The following FARP1 variants were observed in gnomAD, a reference collection of about 807,000 sequenced individuals.
FARP1 encodes the protein FERM, ARHGEF and pleckstrin domain-containing protein 1.
Under a neutral mutation model 128.8 loss-of-function variants are expected in FARP1, and 52 were observed. The observed-to-expected ratio is 0.40, with a 90% CI of 0.32 to 0.51. The LOEUF is 0.51. FARP1 is among the 20% of genes least tolerant of loss of function. The probability of loss-of-function intolerance (pLI) is 0.45; values close to 1 mark genes in which losing one functional copy is unlikely to be tolerated. For missense variants in FARP1, 1,333 were observed against 1,367.9 expected, an observed-to-expected ratio of 0.97 and a Z score of 0.40; for synonymous variants, 580 against 551.8, an observed-to-expected ratio of 1.05 and a Z score of -0.72.
At chr13:98,178,663 T>C (rs1302570210) in intron 1 of FARP1, among the ~76,000 whole-genome samples, 5 of 152,242 alleles carry the variant, frequency 3.3e-5, no homozygotes, top group Admixed American at 6.5e-5. Context: ...CTTACTAGAA[T>C]GGAAGATGAG....
chr13:98,197,028 C>T (rs1879603671), intron 1 of FARP1, among the ~76,000 whole-genome samples: 1 of 152,104 alleles, frequency 6.6e-6, no homozygotes, highest in Admixed American at 6.5e-5. Flanking sequence ...AATATTGAAA[C>T]TGTTAGAAAA....
chr13:98,396,451 CAGGAGGAGGATGAGTGAGGAACAGG>C (rs1035630684), intron 13 of FARP1: 1 of 7,950 alleles, frequency 1.3e-4, no homozygotes, highest in African/African-American at 6.1e-4. Flanking sequence ...GAGTGAGGAA[CAGGAGGAGGATGAGTGAGGAACAGG>C]AGGAGGATGA....
chr13:98,296,356 G>C (rs1223854885), intron 2 of FARP1, among the ~76,000 whole-genome samples: 1 of 152,064 alleles, frequency 6.6e-6, no homozygotes, highest in Admixed American at 6.6e-5. Context: ...TGCCTTGAAT[G>C]CTATTTCCCC....
At chr13:98,239,413 G>A (rs1408473818) in intron 2 of FARP1, among the ~76,000 whole-genome samples, 1 of 152,166 alleles carries the variant, frequency 6.6e-6, no homozygotes, top group African/African-American at 2.4e-5. Flanking sequence ...TTTCCTTACT[G>A]TTTTGCTTGA....
chr13:98,367,828 T>C (rs1889162905), intron 4 of FARP1, among the ~76,000 whole-genome samples: 1 of 152,232 alleles, frequency 6.6e-6, no homozygotes, highest in Non-Finnish European at 1.5e-5. Context: ...CAAATGACTT[T>C]ATTTTAAAAA....
chr13:98,207,660 G>A (rs1474968089), intron 1 of FARP1, among the ~76,000 whole-genome samples: 1 of 151,106 alleles, frequency 6.6e-6, no homozygotes, highest in Non-Finnish European at 1.5e-5. Flanking sequence ...TGCTGAGCAA[G>A]TGCAGGGCAG....
chr13:98,388,421 G>A lies in FARP1; in HGVS notation c.798G>A (p.Val266=). The A allele has an allele frequency of 6.2e-7, 1 of 1,614,102 alleles. No homozygotes were observed. The highest frequency in any genetic ancestry group is 1.6e-4 in the Middle Eastern group (1 of 6,062). The change falls in exon 9 of 27, where the codon GTG becomes GTA. Residue 266 remains valine (V), a synonymous_variant. Coordinates refer to ENST00000319562, the MANE Select transcript of FARP1 (RefSeq NM_005766.4). Reference sequence around the variant, plus strand: ...TCAATGCCTTCAACTGGGCCAAGGTGCGGAAGCTGAGCTTCAAGAGGAAGC... The same window carrying A: ...TCAATGCCTTCAACTGGGCCAAGGTACGGAAGCTGAGCTTCAAGAGGAAGC... ...TKINAFNWAK[V]RKLSFKRKRF... is the part of the protein sequence containing the mutation.
At chr13:98,316,289 C>T (rs1227491860) in intron 2 of FARP1, among the ~76,000 whole-genome samples, 1 of 152,184 alleles carries the variant, frequency 6.6e-6, no homozygotes, top group Non-Finnish European at 1.5e-5. Flanking sequence ...AACCCCTAGC[C>T]AACAGGGGGT....
chr13:98,386,233 C>T lies in FARP1; in HGVS notation c.759+419C>T, dbSNP rs533782769. Among the ~76,000 whole-genome samples the T allele has an allele frequency of 7.9e-5, 11 of 138,980 alleles. No homozygotes were observed. In the South Asian group the frequency reaches 2.5e-3, roughly 31 times the overall value. 91.2% of individuals were successfully genotyped at this position (138,980 alleles called of 152,430 possible). A position where few individuals can be genotyped will look rare whatever the true frequency, so the allele number is the denominator to read the frequency against. Reference sequence around the variant, plus strand: ...TCAAACACAGTTTGGCTTGAGCCAGCTTATTTGGTCGGGACTTCAGATATA... The same window carrying T: ...TCAAACACAGTTTGGCTTGAGCCAGTTTATTTGGTCGGGACTTCAGATATA... On this transcript the variant is annotated intron_variant, in intron 8 of 26. Transcript: ENST00000319562.
intron 2 of FARP1, among the ~76,000 whole-genome samples, chr13:98,256,844 G>A (rs1349135095): frequency 6.9e-6 from 1 of 143,946 alleles, no homozygotes; most frequent in Admixed American, 7.0e-5. Flanking sequence ...ACAGGCGTGA[G>A]CCACCACACT....
Position 98,409,315 on chromosome 13 carries a change from TAAAA to T in FARP1, c.1415-22_1415-19del. The T allele has an allele frequency of 1.3e-6, 2 of 1,553,452 alleles. No individual in the cohort carries two copies. Among genetic ancestry groups the T allele is most frequent in the Admixed American group, 2.0e-5 (1 of 49,416 alleles). ...AGAAAAAAATTACTTTTTTTTTCTT[TAAAA>T]CTTCTCATCCCCAAACAGGCTCCCT... is the stretch of plus-strand genomic sequence containing the variant. On this transcript the variant is annotated intron_variant, in intron 13 of 26. Transcript: ENST00000319562.
chr13:98,356,581 T>TTC (rs1421270439), intron 3 of FARP1, among the ~76,000 whole-genome samples: 1 of 152,076 alleles, frequency 6.6e-6, no homozygotes, highest in Non-Finnish European at 1.5e-5. Context: ...TGCTCTTGAC[T>TTC]AAGTGACTCC....
At chr13:98,379,796 C>G (rs1339136492) in intron 6 of FARP1, among the ~76,000 whole-genome samples, 1 of 152,036 alleles carries the variant, frequency 6.6e-6, no homozygotes, top group African/African-American at 2.4e-5. Context: ...GAAAAAATAT[C>G]TTAGATGTTT....
At position 98,176,725 on chromosome 13, in the gene FARP1, A is replaced by G; in HGVS notation, c.-24+33233A>G. On this transcript the variant is annotated intron_variant, in intron 1 of 26. Coordinates refer to ENST00000319562, the MANE Select transcript of FARP1 (RefSeq NM_005766.4). The surrounding 1 kb of genome is among the most constrained non-coding windows in gnomAD (Gnocchi z 6.2). ...CGCACGTATGGGGCCCTTCCTCGCC[A>G]TCCCCGAGGAGGAGTTGCCCATGGA... is the stretch of plus-strand genomic sequence containing the variant. 6.2e-7 allele frequency: 1 copy of G among 1,614,154 alleles called. No homozygotes were observed. The highest frequency in any genetic ancestry group is 8.5e-7 in the Non-Finnish European group (1 of 1,180,022).
At chr13:98,286,139 G>A (rs1885155860) in intron 2 of FARP1, among the ~76,000 whole-genome samples, 1 of 152,078 alleles carries the variant, frequency 6.6e-6, no homozygotes, top group South Asian at 2.1e-4. Flanking sequence ...CCAGAAACCT[G>A]CGTGGCCCAT....
At position 98,446,670 on chromosome 13, in the gene FARP1, A is replaced by G. The variant is rs769999839; in HGVS notation, c.2909A>G (p.Asn970Ser). Residue 970 changes from asparagine to serine, a missense_variant, in exon 26 of 27, where the codon AAT (asparagine) becomes AGT (serine). Physicochemically the swap from Asn to Ser is conservative, Grantham distance 46. This residue lies in a region of FARP1 where 1,009 missense variants were observed against 969.8 expected (regional missense o/e 1.04). Coordinates refer to ENST00000319562, the MANE Select transcript of FARP1 (RefSeq NM_005766.4). ...TGCTTTGTTTCCCCTTTCCAGGACA[A>G]TCATCCCCTTGCCAGCCTGCCTCTG... ...CLFFYKSHQD[N>S]HPLASLPLLG... is the part of the protein sequence containing the mutation. The G allele has an allele frequency of 6.2e-6, 10 of 1,613,904 alleles. No individual in the cohort carries two copies. The highest frequency in any genetic ancestry group is 4.4e-5 in the South Asian group (4 of 91,084).
intron 1 of FARP1, among the ~76,000 whole-genome samples, chr13:98,190,056 T>G (rs1879122632): frequency 6.6e-6 from 1 of 152,198 alleles, no homozygotes; most frequent in African/African-American, 2.4e-5. Context: ...TCCCTCCCCC[T>G]CATCCCTGCA....
chr13:98,418,603 G>A (rs1474847499), intron 16 of FARP1, among the ~76,000 whole-genome samples: 2 of 152,172 alleles, frequency 1.3e-5, no homozygotes, highest in African/African-American at 4.8e-5. Context: ...ATAGCTTTGA[G>A]CTAGTTTTTC....
chr13:98,387,619 G>A (rs182997525), intron 8 of FARP1, among the ~76,000 whole-genome samples: 1 of 152,336 alleles, frequency 6.6e-6, no homozygotes, highest in Non-Finnish European at 1.5e-5. Flanking sequence ...GCAGATGGGA[G>A]TTGGTATCCG....
Sources: gnomAD v4.1 joint callset for allele counts (sites outside exome capture counted in the v4.1 genomes callset) on GRCh38, gnomAD v4.1.1 for gene constraint, gnomAD v4.1.1 regional missense constraint, Gnocchi (gnomAD v3.1) non-coding constraint, MANE v1.5 for transcripts, NCBI Gene and HGNC (gene_info 2026-07-23, HGNC 2026-07-21) for gene names.